The following ASIC2 variants were observed in gnomAD, a reference collection of about 807,000 sequenced individuals.
ASIC2 encodes the protein acid-sensing ion channel 2.
In ASIC2, 25 loss-of-function variants were observed where a neutral mutation model predicts 57.3. That is an observed-to-expected ratio of 0.44 (90% CI 0.32 to 0.61). The LOEUF is 0.61. Among genes scored for constraint, ASIC2 ranks in the 20% least tolerant of loss-of-function variants. The pLI is 0.06. For synonymous variants in ASIC2, 319 were observed against 307.5 expected, an observed-to-expected ratio of 1.04 and a Z score of -0.39; for missense variants, 641 against 738.1, an observed-to-expected ratio of 0.87 and a Z score of 1.52.
rs375656196 is a variant in ASIC2, at chr17:33,795,956, G to A, written c.555+360022C>T. Among the ~76,000 whole-genome samples the A allele has an allele frequency of 9.8e-5, 15 of 152,336 alleles. No homozygotes were observed. The South Asian group carries it at 3.1e-3, about 32-fold the overall frequency. On this transcript the variant is annotated intron_variant, in intron 1 of 9. Coordinates refer to the ASIC2 transcript ENST00000359872. The stretch of plus-strand genomic sequence containing the variant: ...ACATGGCAGAAATTCATGAATACTT[G>A]TTGAATCTGGGAGAATTCCAGTAGA...
intron 1 of ASIC2, among the ~76,000 whole-genome samples, chr17:33,796,086 C>T (rs1212719661): frequency 6.6e-6 from 1 of 152,234 alleles, no homozygotes; most frequent in East Asian, 1.9e-4. Flanking sequence ...AGGCCAAGTG[C>T]CACAATCACA....
chr17:33,694,044 C>T (rs1054177065), intron 1 of ASIC2, among the ~76,000 whole-genome samples: 2 of 152,134 alleles, frequency 1.3e-5, no homozygotes, highest in East Asian at 1.9e-4. Context: ...CTTGCTTGCT[C>T]ATCTATAAAA....
chr17:33,028,045 C>G (rs1265092235), intron 4 of ASIC2, among the ~76,000 whole-genome samples, 197 bp downstream of exon 4: 1 of 152,260 alleles, frequency 6.6e-6, no homozygotes, highest in Non-Finnish European at 1.5e-5. Flanking sequence ...CTTCTGGATA[C>G]CAGGATGCTG....
At chr17:34,061,716 G>A (rs778181358) in intron 1 of ASIC2, among the ~76,000 whole-genome samples, 7 of 152,106 alleles carry the variant, frequency 4.6e-5, no homozygotes, top group Admixed American at 1.3e-4. Flanking sequence ...AAGTGAACAC[G>A]GGTAGCTATT....
intron 1 of ASIC2, among the ~76,000 whole-genome samples, chr17:33,611,242 C>G (rs1188115346): frequency 1.3e-5 from 2 of 152,092 alleles, no homozygotes; most frequent in Admixed American, 1.3e-4. Context: ...CTGGTCTGTG[C>G]TGGATGGTGG....
chr17:33,384,071 C>T (rs973058174), intron 1 of ASIC2, among the ~76,000 whole-genome samples: 1 of 152,132 alleles, frequency 6.6e-6, no homozygotes, highest in Admixed American at 6.5e-5. Context: ...TGTCTGTCAG[C>T]ACCTGGAATG....
chr17:33,082,497 G>A (rs1283050985), intron 3 of ASIC2, among the ~76,000 whole-genome samples: 1 of 152,060 alleles, frequency 6.6e-6, no homozygotes, highest in Non-Finnish European at 1.5e-5. Context: ...CCAGGAGTTC[G>A]AGACCAGTCT....
intron 1 of ASIC2, among the ~76,000 whole-genome samples, chr17:33,879,898 A>C (rs1325651012): frequency 6.6e-6 from 1 of 152,220 alleles, no homozygotes; most frequent in Non-Finnish European, 1.5e-5. Context: ...AAATTGTAAC[A>C]AACTGTCTCT....
chr17:34,069,273 CCTTTCCTTCTTCCTTT>C lies in ASIC2; in HGVS notation c.555+86689_555+86704del, dbSNP rs1267299961. The C allele has an allele frequency of 3.6e-5, 5 of 139,558 alleles. No individual in the cohort carries two copies. The East Asian group carries it at 6.6e-4, about 18-fold the overall frequency. The allele number at this position is 139,558 out of a possible 1,614,324, so 8.6% of individuals were successfully genotyped here. A position where few individuals can be genotyped will look rare whatever the true frequency, so the allele number is the denominator to read the frequency against. The stretch of plus-strand genomic sequence containing the variant: ...CTTATTCCTTTCCTTTTCCTTTCTT[CCTTTCCTTCTTCCTTT>C]CTTTCCTTCTTCCTTCCTTCCTTTC... On this transcript the variant is annotated intron_variant, in intron 1 of 9. Coordinates refer to the ASIC2 transcript ENST00000359872.
At chr17:33,326,309 A>G (rs534927701) in intron 1 of ASIC2, among the ~76,000 whole-genome samples, 3 of 152,312 alleles carry the variant, frequency 2.0e-5, no homozygotes, top group African/African-American at 7.2e-5. Flanking sequence ...TCTATAGCTA[A>G]TGTGAATAAG....
intron 1 of ASIC2, among the ~76,000 whole-genome samples, chr17:33,540,599 C>A (rs1431040866): frequency 6.6e-6 from 1 of 152,100 alleles, no homozygotes; most frequent in Admixed American, 6.5e-5. Flanking sequence ...ATTTTCGCTG[C>A]CCTCACATAG....
intron 3 of ASIC2, among the ~76,000 whole-genome samples, chr17:33,053,120 G>A (rs1377512666): frequency 3.3e-5 from 5 of 152,158 alleles, no homozygotes; most frequent in Non-Finnish European, 7.3e-5. Context: ...AGATTTAAGG[G>A]TTGATTGTCA....
chr17:33,568,456 A>G (rs1010402967), intron 1 of ASIC2, among the ~76,000 whole-genome samples: 1 of 152,194 alleles, frequency 6.6e-6, no homozygotes, highest in African/African-American at 2.4e-5. Context: ...ACATCTTGCA[A>G]CTAAGGGTCT....
chr17:34,156,283 G>C lies in ASIC2; in HGVS notation c.250C>G (p.Leu84Val). The change falls in exon 1 of 10, where the codon CTG (leucine) becomes GTG (valine). Residue 84 changes from leucine (L) to valine (V), a missense_variant. Leu to Val is a conservative substitution (Grantham distance 32). Transcript: ENST00000359872. The surrounding 1 kb of genome is among the most constrained non-coding windows in gnomAD (Gnocchi z 4.4). Reference sequence around the variant, plus strand: ...CAGAGGGTCACAGCTGGGAAGACCAGGCTTTGAGCCACCACTTCGTCCACC... The same window carrying C: ...CAGAGGGTCACAGCTGGGAAGACCACGCTTTGAGCCACCACTTCGTCCACC... The C allele has an allele frequency of 6.2e-7, 1 of 1,614,216 alleles. No individual in the cohort carries two copies. Among genetic ancestry groups the C allele is most frequent in the Non-Finnish European group, 8.5e-7 (1 of 1,180,044 alleles).
At chr17:33,944,648 C>T (rs1567764269) in intron 1 of ASIC2, among the ~76,000 whole-genome samples, 2 of 152,160 alleles carry the variant, frequency 1.3e-5, no homozygotes, top group Non-Finnish European at 2.9e-5. Flanking sequence ...TCTTTCTGTG[C>T]CAAAGTGAAA....
chr17:33,359,346 G>A (rs1167578299), intron 1 of ASIC2, among the ~76,000 whole-genome samples: 1 of 152,196 alleles, frequency 6.6e-6, no homozygotes, highest in East Asian at 1.9e-4. Flanking sequence ...TAGCTTTTAG[G>A]TCAAGGAGGT....
intron 1 of ASIC2, among the ~76,000 whole-genome samples, chr17:33,969,525 A>C (rs889420142): frequency 3.3e-5 from 5 of 152,212 alleles, no homozygotes; most frequent in Admixed American, 2.0e-4. Flanking sequence ...GGATCTGGGG[A>C]ACAAGAAAGG....
intron 1 of ASIC2, among the ~76,000 whole-genome samples, chr17:34,099,074 A>C (rs1910650047): frequency 7.0e-6 from 1 of 142,552 alleles, no homozygotes; most frequent in Non-Finnish European, 1.5e-5. Flanking sequence ...GATGCTCTAG[A>C]AAGAGCAGCA....
intron 1 of ASIC2, among the ~76,000 whole-genome samples, chr17:33,615,068 G>A (rs1905553558): frequency 6.6e-6 from 1 of 152,136 alleles, no homozygotes; most frequent in African/African-American, 2.4e-5. Flanking sequence ...CCTCTTGTAT[G>A]GATGTACCAT....
Sources: gnomAD v4.1 joint callset for allele counts (sites outside exome capture counted in the v4.1 genomes callset) on GRCh38, gnomAD v4.1.1 for gene constraint, Gnocchi (gnomAD v3.1) non-coding constraint, MANE v1.5 for transcripts, NCBI Gene and HGNC (gene_info 2026-07-23, HGNC 2026-07-21) for gene names.